ADK: variants seen among roughly 807,000 people sequenced by gnomAD.
ADK encodes adenosine kinase.
ADK carries 24 observed loss-of-function variants against 44.7 expected under a neutral mutation model. The ratio of observed to expected loss-of-function variants is 0.54; its 90% CI spans 0.39 to 0.76. ADK has a LOEUF of 0.76. ADK is among the 30% of genes least tolerant of loss of function. The pLI, the probability that ADK is intolerant of heterozygous loss-of-function variation, is 0.00. For synonymous variants in ADK, 128 were observed against 142.6 expected (o/e 0.90, Z 0.73); for missense variants, 321 against 425.1 (o/e 0.76, Z 2.15).
At chr10:74,346,051 C>G (rs1354087371) in intron 4 of ADK, among the ~76,000 whole-genome samples, 1 of 152,156 alleles carries the variant, frequency 6.6e-6, no homozygotes, top group African/African-American at 2.4e-5. Flanking sequence ...CATGCCACGA[C>G]CTGGCTAATT....
At chr10:74,304,564 A>G (rs1840184054) in intron 3 of ADK, among the ~76,000 whole-genome samples, 1 of 152,246 alleles carries the variant, frequency 6.6e-6, no homozygotes, top group South Asian at 2.1e-4. Flanking sequence ...TACAAGATAA[A>G]TAATTTCATC....
At chr10:74,450,589 C>T (rs1316574443) in intron 6 of ADK, among the ~76,000 whole-genome samples, 2 of 152,134 alleles carry the variant, frequency 1.3e-5, no homozygotes, top group African/African-American at 2.4e-5. Context: ...ATTTGAAATA[C>T]ATCATTTAAT....
intron 3 of ADK, among the ~76,000 whole-genome samples, chr10:74,305,720 TCTTTC>T (rs144263118): frequency 6.6e-6 from 1 of 152,102 alleles, no homozygotes; most frequent in Non-Finnish European, 1.5e-5. Flanking sequence ...TTTTTTTCTT[TCTTTC>T]CTTTCCTTTT....
At position 74,597,409 on chromosome 10, in the gene ADK, C is replaced by T. The variant is rs113838053; in HGVS notation, c.763-2970C>T. 6.4e-3 allele frequency among the ~76,000 whole-genome samples: 968 copies of T among 152,220 alleles called. 16 individuals are homozygous for T. Among genetic ancestry groups the T allele is most frequent in the African/African-American group, 0.022 (898 of 41,538 alleles). On this transcript the variant is annotated intron_variant, in intron 8 of 10. Transcript: ENST00000539909. The stretch of plus-strand genomic sequence containing the variant: ...TAAACTACAATAACTGAACTATATA[C>T]AGGCTTTATTCTGGTTTCAACCGTT...
At chr10:74,410,939 C>T (rs1844154803) in intron 6 of ADK, among the ~76,000 whole-genome samples, 1 of 152,034 alleles carries the variant, frequency 6.6e-6, no homozygotes, top group African/African-American at 2.4e-5. Context: ...TAATATTCTT[C>T]TGTGATTATT....
intron 7 of ADK, among the ~76,000 whole-genome samples, chr10:74,578,352 G>A (rs1211307837): frequency 6.6e-6 from 1 of 151,892 alleles, no homozygotes; most frequent in Non-Finnish European, 1.5e-5. Context: ...TTTTTAAATT[G>A]TGTTGCCAAT....
At chr10:74,689,122 G>A (rs933980934) in intron 10 of ADK, among the ~76,000 whole-genome samples, 26 of 151,342 alleles carry the variant, frequency 1.7e-4, no homozygotes, top group African/African-American at 4.6e-4. Context: ...GGTGGCGGGC[G>A]CCTGTAGTCC....
intron 7 of ADK, among the ~76,000 whole-genome samples, chr10:74,535,926 A>T (rs968582911): frequency 4.6e-5 from 7 of 152,094 alleles, no homozygotes; most frequent in Non-Finnish European, 1.0e-4. Flanking sequence ...GTATCTTTAT[A>T]TATTAAAATA....
chr10:74,708,640 T>A lies in ADK; in HGVS notation c.*195T>A, dbSNP rs1041113567. The A allele has an allele frequency of 7.3e-6, 4 of 548,002 alleles. No individual in the cohort carries two copies. The highest frequency in any genetic ancestry group is 5.8e-5 in the African/African-American group (3 of 51,914). The allele number at this position is 548,002 out of a possible 1,614,324, so 33.9% of individuals were successfully genotyped here. A position where few individuals can be genotyped will look rare whatever the true frequency, so the allele number is the denominator to read the frequency against. On this transcript the variant is annotated 3_prime_UTR_variant, in exon 11 of 11. Coordinates refer to ENST00000539909, the MANE Select transcript of ADK (RefSeq NM_006721.4). Reference sequence around the variant, plus strand: ...TATCTCAACAATCTAAAAAATGATGTTTATTTCCATAGTTTGATAGTGCCA... The same window carrying A: ...TATCTCAACAATCTAAAAAATGATGATTATTTCCATAGTTTGATAGTGCCA...
At chr10:74,256,155 C>T (rs1845815314) in intron 3 of ADK, among the ~76,000 whole-genome samples, 1 of 152,170 alleles carries the variant, frequency 6.6e-6, no homozygotes, top group Admixed American at 6.5e-5. Context: ...AGCCTGCGTG[C>T]AGCATATTTA....
intron 4 of ADK, among the ~76,000 whole-genome samples, chr10:74,363,204 G>A (rs762454744): frequency 2.6e-5 from 4 of 152,214 alleles, no homozygotes; most frequent in African/African-American, 4.8e-5. Flanking sequence ...CCAGTTGGGC[G>A]TGTGTCTCCC....
At chr10:74,429,198 T>A (rs927155133) in intron 6 of ADK, among the ~76,000 whole-genome samples, 5 of 151,954 alleles carry the variant, frequency 3.3e-5, no homozygotes, top group Admixed American at 6.6e-5. Context: ...TAGTGGAGAG[T>A]CATAAAAGAC....
chr10:74,348,950 A>G (rs1409494179), intron 4 of ADK, among the ~76,000 whole-genome samples: 1 of 152,162 alleles, frequency 6.6e-6, no homozygotes, highest in East Asian at 1.9e-4. Flanking sequence ...GGTGTACCTG[A>G]AAGTGACAGG....
chr10:74,289,349 A>C (rs1847315734), intron 3 of ADK, among the ~76,000 whole-genome samples: 1 of 152,166 alleles, frequency 6.6e-6, no homozygotes, highest in Non-Finnish European at 1.5e-5. Context: ...ACCTGGCTGA[A>C]GGAACTACAT....
intron 3 of ADK, among the ~76,000 whole-genome samples, chr10:74,310,705 A>G (rs1482947654): frequency 6.6e-6 from 1 of 152,180 alleles, no homozygotes; most frequent in African/African-American, 2.4e-5. Context: ...CCTTCAGAAT[A>G]ATGTCTACAC....
At chr10:74,420,768 T>A (rs1844529138) in intron 6 of ADK, among the ~76,000 whole-genome samples, 1 of 152,154 alleles carries the variant, frequency 6.6e-6, no homozygotes, top group Non-Finnish European at 1.5e-5. Context: ...CCCTACAGTT[T>A]AACTGTTAAA....
intron 7 of ADK, among the ~76,000 whole-genome samples, chr10:74,533,239 GT>G (rs1196286729): frequency 2.0e-5 from 3 of 152,192 alleles, no homozygotes; most frequent in South Asian, 4.1e-4. Flanking sequence ...ATAATCTATA[GT>G]TTAGTGTAAT....
intron 4 of ADK, among the ~76,000 whole-genome samples, chr10:74,347,011 G>A (rs1352489229): frequency 2.0e-5 from 3 of 149,372 alleles, no homozygotes; most frequent in African/African-American, 7.5e-5. Context: ...GGAGGCTGAG[G>A]CAGGAGAATG....
chr10:74,151,854 C>T (rs1185507066), intron 1 of ADK, among the ~76,000 whole-genome samples: 1 of 152,226 alleles, frequency 6.6e-6, no homozygotes, highest in Non-Finnish European at 1.5e-5. Flanking sequence ...ACCAGGGACC[C>T]AGACCCCTCC....
Sources: gnomAD v4.1 joint callset for allele counts (sites outside exome capture counted in the v4.1 genomes callset) on GRCh38, gnomAD v4.1.1 for gene constraint, MANE v1.5 for transcripts, NCBI Gene and HGNC (gene_info 2026-07-23, HGNC 2026-07-21) for gene names.